The following DNAH14 variants were observed in gnomAD, a reference collection of about 807,000 sequenced individuals.
DNAH14 encodes axonemal beta dynein heavy chain 14.
In DNAH14, 478 loss-of-function variants were observed where a neutral mutation model predicts 520.9. That is an observed-to-expected ratio of 0.92 (90% CI 0.85 to 0.99). DNAH14 has a LOEUF of 0.99. Ranked by LOEUF, DNAH14 falls within the 50% of genes least tolerant of loss-of-function variation. The pLI is 0.00. For synonymous variants in DNAH14, 1,581 were observed against 1,757.2 expected, an observed-to-expected ratio of 0.90 and a Z score of 2.51; for missense variants, 4,831 against 5,234.5, an observed-to-expected ratio of 0.92 and a Z score of 2.38.
At chr1:225,125,020 A>G (rs2077601664) in intron 27 of DNAH14, among the ~76,000 whole-genome samples, 1 of 152,210 alleles carries the variant, frequency 6.6e-6, no homozygotes, top group South Asian at 2.1e-4. Context: ...GTTAGTGAGC[A>G]GTAATATTTT....
At chr1:225,136,316 G>A (rs762935467) in intron 27 of DNAH14, among the ~76,000 whole-genome samples, 6 of 152,142 alleles carry the variant, frequency 3.9e-5, no homozygotes, top group Non-Finnish European at 5.9e-5. Context: ...AATATTTAGT[G>A]CTTCTTTCAG....
intron 42 of DNAH14, among the ~76,000 whole-genome samples, chr1:225,235,867 A>G (rs1202797697): frequency 6.6e-6 from 1 of 152,026 alleles, no homozygotes; most frequent in African/African-American, 2.4e-5. Context: ...TTGTATTTCT[A>G]TGGAGTCATT....
At chr1:225,381,697 T>C (rs2095785835) in intron 81 of DNAH14, 118 bp downstream of exon 81, 7 of 842,580 alleles carry the variant, frequency 8.3e-6, no homozygotes, top group Non-Finnish European at 1.3e-5. Context: ...TCTTAAAAGA[T>C]GCTGACGTAC....
At chr1:225,138,741 G>T (rs1452334783) in intron 27 of DNAH14, among the ~76,000 whole-genome samples, 2 of 152,144 alleles carry the variant, frequency 1.3e-5, no homozygotes, top group Non-Finnish European at 2.9e-5. Context: ...CTGGCTGGGG[G>T]TGGGGGTTCC....
In DNAH14 at chr1:225,100,715, A is replaced by T. The variant is rs1303959616; in HGVS notation, c.3698A>T (p.Gln1233Leu). 1.3e-6 allele frequency: 2 copies of T among 1,489,870 alleles called. No individual in the cohort carries two copies. The highest frequency in any genetic ancestry group is 2.8e-5 in the Admixed American group (1 of 35,480). 92.3% of individuals were successfully genotyped at this position (1,489,870 alleles called of 1,614,324 possible). A position where few individuals can be genotyped will look rare whatever the true frequency, so the allele number is the denominator to read the frequency against. ...PVFHSSEIRR[Q>L]LPAETELFSQ... ...GACATCTAATTTTTTTTCTAAAGGC[A>T]ACTCCCAGCAGAAACAGAACTTTTC... is the stretch of plus-strand genomic sequence containing the variant. Residue 1233 changes from glutamine (Q) to leucine (L), a missense_variant and splice_region_variant, in exon 23 of 86, where the codon CAA becomes CTA. Physicochemically the swap from Gln to Leu is moderately radical, Grantham distance 113 (BLOSUM62 -2). Transcript: ENST00000682510.
At chr1:225,203,056 T>C (rs1305401720) in intron 38 of DNAH14, among the ~76,000 whole-genome samples, 2 of 152,188 alleles carry the variant, frequency 1.3e-5, no homozygotes, top group Admixed American at 1.3e-4. Context: ...ATTTCGGCTG[T>C]CTCCCCAGTC....
intron 66 of DNAH14, among the ~76,000 whole-genome samples, chr1:225,336,339 A>G (rs1285803277): frequency 1.3e-5 from 2 of 152,080 alleles, no homozygotes; most frequent in East Asian, 3.8e-4. Context: ...CAAAAAGACA[A>G]AATAGATGTT....
At chr1:225,355,716 T>C (rs1018076832) in intron 73 of DNAH14, among the ~76,000 whole-genome samples, 1 of 152,180 alleles carries the variant, frequency 6.6e-6, no homozygotes, top group African/African-American at 2.4e-5. Context: ...CTGGGTTTTA[T>C]TGTGATAAAA....
chr1:225,266,217 C>T (rs1459181571), intron 48 of DNAH14, among the ~76,000 whole-genome samples: 3 of 152,068 alleles, frequency 2.0e-5, no homozygotes, highest in Non-Finnish European at 4.4e-5. Context: ...TATTCCTAAA[C>T]CAGGGTGCAT....
chr1:225,311,467 G>T (rs1176834631), intron 60 of DNAH14, among the ~76,000 whole-genome samples: 1 of 152,076 alleles, frequency 6.6e-6, no homozygotes, highest in African/African-American at 2.4e-5. Context: ...GATCCCATTT[G>T]TCAATTTTGG....
rs527484663 is a variant in DNAH14 at position 225,082,410 on chromosome 1, A to G, written c.3137-139A>G. 5 of 611,574 alleles carry G rather than the reference A, an allele frequency of 8.2e-6. No homozygotes were observed. In the African/African-American group the frequency reaches 9.5e-5, roughly 12 times the overall value. 37.9% of individuals were successfully genotyped at this position (611,574 alleles called of 1,614,324 possible). A position where few individuals can be genotyped will look rare whatever the true frequency, so the allele number is the denominator to read the frequency against. ...TAATGTTAATAAAGCTCACTGCTTC[A>G]TGTTATTTTAATGTAGTTTAATAAT... On this transcript the variant is annotated intron_variant, in intron 19 of 85. Coordinates refer to ENST00000682510, the MANE Select transcript of DNAH14 (RefSeq NM_001367479.1).
At position 225,325,695 on chromosome 1, in the gene DNAH14, C is replaced by T. The variant is rs149072695; in HGVS notation, c.9723+863C>T. 1.5e-3 allele frequency among the ~76,000 whole-genome samples: 228 copies of T among 152,276 alleles called. 4 individuals carry two copies. In the East Asian group the frequency reaches 0.032, roughly 22 times the overall value. On this transcript the variant is annotated intron_variant, in intron 64 of 85. Transcript: ENST00000682510. ...TGAGCAAAGTAATACATTTCAGAGA[C>T]GCAAACAGGCAAATTCAGTCCATTG...
intron 65 of DNAH14, 76 bp downstream of exon 65, chr1:225,331,653 T>C: frequency 6.5e-7 from 1 of 1,534,170 alleles, no homozygotes; most frequent in Admixed American, 2.0e-5. Flanking sequence ...TTATTTTCAC[T>C]GCAGGCTGTA....
At chr1:224,977,639 G>T (rs2061958811) in intron 8 of DNAH14, among the ~76,000 whole-genome samples, 1 of 152,138 alleles carries the variant, frequency 6.6e-6, no homozygotes, top group Non-Finnish European at 1.5e-5. Flanking sequence ...AATAGGTACA[G>T]CTTTTTGCGT....
chr1:224,949,296 AG>A (rs1376039314), intron 1 of DNAH14, among the ~76,000 whole-genome samples: 2 of 152,024 alleles, frequency 1.3e-5, no homozygotes, highest in Non-Finnish European at 2.9e-5. Flanking sequence ...GGCATTCTGC[AG>A]TTTCACTATG....
chr1:225,221,992 G>A (rs569024914), intron 41 of DNAH14, among the ~76,000 whole-genome samples: 14 of 152,132 alleles, frequency 9.2e-5, no homozygotes, highest in South Asian at 4.2e-4. Flanking sequence ...CCAGCTTATC[G>A]GGGCTCACTC....
At chr1:225,344,660 A>G (rs6664225) in intron 69 of DNAH14, among the ~76,000 whole-genome samples, 1 of 151,790 alleles carries the variant, frequency 6.6e-6, no homozygotes, top group Non-Finnish European at 1.5e-5. Flanking sequence ...TACATGCCTT[A>G]GCTATTGTGA....
At chr1:225,218,032 C>T (rs996278682) in intron 41 of DNAH14, among the ~76,000 whole-genome samples, 2 of 152,124 alleles carry the variant, frequency 1.3e-5, no homozygotes, top group African/African-American at 4.8e-5. Flanking sequence ...TAGTCCCAAC[C>T]CAGAATTTAA....
intron 7 of DNAH14, among the ~76,000 whole-genome samples, chr1:224,970,295 C>T (rs1157647585): frequency 6.6e-6 from 1 of 152,086 alleles, no homozygotes; most frequent in Non-Finnish European, 1.5e-5. Context: ...TTTGGTGAGA[C>T]CGGTTGTCTG....
Sources: gnomAD v4.1 joint callset for allele counts (sites outside exome capture counted in the v4.1 genomes callset) on GRCh38, gnomAD v4.1.1 for gene constraint, MANE v1.5 for transcripts, NCBI Gene and HGNC (gene_info 2026-07-23, HGNC 2026-07-21) for gene names.